Variants in PACRG observed in about 807,000 individuals in gnomAD.
PACRG encodes the protein parkin coregulated, also known as parkin coregulated gene protein.
PACRG carries 29 observed loss-of-function variants against 29.7 expected under a neutral mutation model. The ratio of observed to expected loss-of-function variants is 0.98; its 90% CI spans 0.73 to 1.33. The LOEUF (loss-of-function observed/expected upper bound fraction) is 1.33. PACRG is among the 40% of genes most tolerant of loss of function. PACRG has a pLI of 0.00. For missense variants in PACRG, 279 were observed against 316.2 expected, an observed-to-expected ratio of 0.88 and a Z score of 0.89; for synonymous variants, 116 against 118.7, an observed-to-expected ratio of 0.98 and a Z score of 0.15.
At chr6:162,990,510 G>A (rs1803358613) in intron 2 of PACRG, among the ~76,000 whole-genome samples, 1 of 137,760 alleles carries the variant, frequency 7.3e-6, no homozygotes, top group Non-Finnish European at 1.5e-5. Context: ...ATTTTTTCAT[G>A]TGTTTTTTGG....
chr6:162,754,325 C>T (rs1781734294), intron 1 of PACRG, among the ~76,000 whole-genome samples: 1 of 151,970 alleles, frequency 6.6e-6, no homozygotes, highest in African/African-American at 2.4e-5. Flanking sequence ...AATTTTTAAT[C>T]AGGTTATTTG....
At chr6:162,907,673 C>G (rs561814329) in intron 2 of PACRG, among the ~76,000 whole-genome samples, 65 of 152,108 alleles carry the variant, frequency 4.3e-4, no homozygotes, top group African/African-American at 1.5e-3. Context: ...AAGAAAGATT[C>G]ACACATAAAA....
intron 4 of PACRG, among the ~76,000 whole-genome samples, chr6:163,210,641 C>T (rs1781098847): frequency 6.6e-6 from 1 of 152,220 alleles, no homozygotes; most frequent in African/African-American, 2.4e-5. Context: ...ACTGAAGCAG[C>T]CACTAAATTT....
At chr6:162,924,564 A>C (rs932242762) in intron 2 of PACRG, among the ~76,000 whole-genome samples, 8 of 152,080 alleles carry the variant, frequency 5.3e-5, no homozygotes, top group Non-Finnish European at 1.2e-4. Context: ...TATTCCTACT[A>C]TACCCCATTT....
chr6:163,048,349 TA>T (rs1171994221), intron 2 of PACRG, among the ~76,000 whole-genome samples: 2 of 152,222 alleles, frequency 1.3e-5, no homozygotes, highest in Admixed American at 6.5e-5. Flanking sequence ...GAAGAAATTT[TA>T]TCAAAAGTTT....
chr6:162,733,202 G>A (rs960045616), intron 1 of PACRG, among the ~76,000 whole-genome samples: 4 of 152,164 alleles, frequency 2.6e-5, no homozygotes, highest in Non-Finnish European at 4.4e-5. Flanking sequence ...AATGCCAACT[G>A]CTTTAAGAAG....
intron 2 of PACRG, among the ~76,000 whole-genome samples, chr6:162,828,800 CA>C (rs1788497926): frequency 6.6e-6 from 1 of 151,956 alleles, no homozygotes; most frequent in East Asian, 1.9e-4. Context: ...GCAGTGATAT[CA>C]AAAAGAATAA....
chr6:162,901,873 C>T (rs1467137195), intron 2 of PACRG, among the ~76,000 whole-genome samples: 1 of 152,216 alleles, frequency 6.6e-6, no homozygotes, highest in Admixed American at 6.5e-5. Flanking sequence ...ATATTTGCCA[C>T]AATGGCAGGA....
At chr6:163,135,569 A>G (rs540797308) in intron 4 of PACRG, among the ~76,000 whole-genome samples, 1 of 152,230 alleles carries the variant, frequency 6.6e-6, no homozygotes, top group African/African-American at 2.4e-5. Flanking sequence ...GTCATTTTAA[A>G]TGTTTCTCCT....
intron 2 of PACRG, among the ~76,000 whole-genome samples, chr6:163,016,926 G>A (rs1472021793): frequency 6.6e-6 from 1 of 151,906 alleles, no homozygotes; most frequent in Non-Finnish European, 1.5e-5. Context: ...CATAAAATTA[G>A]TAAGATAAGG....
chr6:162,731,825 A>G (rs1014001607), intron 1 of PACRG, among the ~76,000 whole-genome samples: 2 of 152,292 alleles, frequency 1.3e-5, no homozygotes, highest in African/African-American at 4.8e-5. Flanking sequence ...TGGCTTCTGT[A>G]ACACTGACCA....
At chr6:163,204,199 T>C (rs1477673280) in intron 4 of PACRG, among the ~76,000 whole-genome samples, 1 of 152,252 alleles carries the variant, frequency 6.6e-6, no homozygotes, top group African/African-American at 2.4e-5. Context: ...CAGATCTTTA[T>C]AAAAATGTGT....
At chr6:162,851,311 TCTCTTCACCC>T (rs1229079725) in intron 2 of PACRG, among the ~76,000 whole-genome samples, 1 of 152,176 alleles carries the variant, frequency 6.6e-6, no homozygotes, top group Non-Finnish European at 1.5e-5. Flanking sequence ...GCTCCTGCTG[TCTCTTCACCC>T]ACACTATGAT....
intron 2 of PACRG, among the ~76,000 whole-genome samples, chr6:162,937,319 A>G (rs1798302913): frequency 6.6e-6 from 1 of 152,236 alleles, no homozygotes; most frequent in African/African-American, 2.4e-5. Context: ...GGTATCAGCC[A>G]CATTTCAAAC....
At chr6:163,180,676 GT>G (rs1352924949) in intron 4 of PACRG, among the ~76,000 whole-genome samples, 1 of 151,510 alleles carries the variant, frequency 6.6e-6, no homozygotes, top group Non-Finnish European at 1.5e-5. Flanking sequence ...TTTTTGTATG[GT>G]TACAAAAAAA....
chr6:162,752,893 A>G (rs1474109603), intron 1 of PACRG, among the ~76,000 whole-genome samples: 4 of 152,084 alleles, frequency 2.6e-5, no homozygotes, highest in African/African-American at 4.8e-5. Context: ...TGGGTTCTTC[A>G]TTCCACCATA....
intron 2 of PACRG, among the ~76,000 whole-genome samples, chr6:162,979,647 T>G (rs1440585043): frequency 1.3e-5 from 2 of 152,132 alleles, no homozygotes; most frequent in African/African-American, 4.8e-5. Context: ...TAAATTACAA[T>G]TATGTTTAAA....
At chr6:163,233,003 C>T (rs1477659000) in intron 4 of PACRG, among the ~76,000 whole-genome samples, 5 of 152,228 alleles carry the variant, frequency 3.3e-5, no homozygotes, top group Non-Finnish European at 7.3e-5. Flanking sequence ...GTGGCCCTGC[C>T]AGTGTAGCAA....
At chr6:163,236,099 A>G (rs1199301433) in intron 4 of PACRG, among the ~76,000 whole-genome samples, 2 of 151,224 alleles carry the variant, frequency 1.3e-5, no homozygotes, top group Non-Finnish European at 2.9e-5. Flanking sequence ...TGGCTACAAG[A>G]TACTTTGAAA....
Sources: allele counts gnomAD v4.1 joint callset (sites outside exome capture counted in the v4.1 genomes callset), GRCh38; gene constraint gnomAD v4.1.1; transcripts MANE v1.5; gene names NCBI Gene and HGNC (gene_info 2026-07-23, HGNC 2026-07-21).